CDH4: variants seen among roughly 807,000 people sequenced by gnomAD.
CDH4 encodes cadherin 4, also known as cadherin-4.
In CDH4, 33 loss-of-function variants were observed where a neutral mutation model predicts 86.0. That is an observed-to-expected ratio of 0.38 (90% CI 0.29 to 0.51). CDH4 has a LOEUF of 0.51. Among genes scored for constraint, CDH4 ranks in the 20% least tolerant of loss-of-function variants. The pLI is 0.86. For missense variants in CDH4, 1,114 were observed against 1,307.4 expected (o/e 0.85, Z 2.28); for synonymous variants, 555 against 549.4 (o/e 1.01, Z -0.14).
intron 2 of CDH4, among the ~76,000 whole-genome samples, chr20:61,289,425 T>C (rs2084310294): frequency 6.6e-6 from 1 of 152,174 alleles, no homozygotes; most frequent in Non-Finnish European, 1.5e-5. Flanking sequence ...TTTCTGAAAC[T>C]CTCTGCCTGC....
At chr20:61,905,972 C>T (rs560193925) in intron 8 of CDH4, among the ~76,000 whole-genome samples, 19 of 152,306 alleles carry the variant, frequency 1.2e-4, no homozygotes, top group African/African-American at 3.6e-4. Flanking sequence ...CACCATGACG[C>T]TCCCCTGGAC....
intron 2 of CDH4, among the ~76,000 whole-genome samples, chr20:61,519,151 C>T (rs2085849410): frequency 6.6e-6 from 1 of 152,188 alleles, no homozygotes; most frequent in Non-Finnish European, 1.5e-5. Flanking sequence ...TTTCTGGACC[C>T]TTGGCATCCC....
At chr20:61,334,955 G>T (rs1314922823) in intron 2 of CDH4, among the ~76,000 whole-genome samples, 2 of 152,178 alleles carry the variant, frequency 1.3e-5, no homozygotes. Flanking sequence ...TGAGCCCCAG[G>T]CTCCAGCCTG....
At chr20:61,526,711 A>G (rs1477890783) in intron 2 of CDH4, among the ~76,000 whole-genome samples, 1 of 137,156 alleles carries the variant, frequency 7.3e-6, no homozygotes, top group Non-Finnish European at 1.5e-5. Context: ...TGATTTCATG[A>G]TTGTTGGATA....
chr20:61,696,426 T>C (rs2087715434), intron 2 of CDH4, among the ~76,000 whole-genome samples: 1 of 152,138 alleles, frequency 6.6e-6, no homozygotes, highest in Non-Finnish European at 1.5e-5. Flanking sequence ...GGGGCGGGAA[T>C]GGATGTGAAA....
In CDH4 at chr20:61,643,206, G is replaced by C. The variant is rs755314621; in HGVS notation, c.170-100357G>C. ...ACATGAGAGAAAGCATCACAGGGAG[G>C]GGGGGTGTAGAGAGAGCCAGACTGG... is the stretch of plus-strand genomic sequence containing the variant. On this transcript the variant is annotated intron_variant, in intron 2 of 15. Transcript: ENST00000614565. Among the ~76,000 whole-genome samples, 6 of 152,194 alleles carry C rather than the reference G, an allele frequency of 3.9e-5. 1 individual carries two copies. Among genetic ancestry groups the C allele is most frequent in the Admixed American group, 1.3e-4 (2 of 15,284 alleles).
At chr20:61,669,183 A>G (rs2087359705) in intron 2 of CDH4, among the ~76,000 whole-genome samples, 1 of 152,228 alleles carries the variant, frequency 6.6e-6, no homozygotes, top group Admixed American at 6.5e-5. Context: ...CATTCAGAGC[A>G]CTATGGGATG....
At chr20:61,778,501 A>G (rs1978365881) in intron 4 of CDH4, among the ~76,000 whole-genome samples, 1 of 152,046 alleles carries the variant, frequency 6.6e-6, no homozygotes, top group African/African-American at 2.4e-5. Flanking sequence ...TAGGTAACCT[A>G]CTTGTAGAGA....
At chr20:61,253,869 C>G (rs1175936978) in intron 1 of CDH4, among the ~76,000 whole-genome samples, 1 of 152,178 alleles carries the variant, frequency 6.6e-6, no homozygotes, top group African/African-American at 2.4e-5. Context: ...GGCGCCACTG[C>G]CCGGTGCGGG....
chr20:61,837,783 T>C (rs1159935244), intron 4 of CDH4, among the ~76,000 whole-genome samples: 1 of 151,926 alleles, frequency 6.6e-6, no homozygotes, highest in African/African-American at 2.4e-5. Flanking sequence ...GGTCTGTCCC[T>C]CCACAATCCG....
chr20:61,457,118 A>C (rs1017187110), intron 2 of CDH4, among the ~76,000 whole-genome samples: 5 of 152,058 alleles, frequency 3.3e-5, no homozygotes, highest in African/African-American at 7.2e-5. Context: ...AGGACAAAGG[A>C]CCTCCGTGAG....
chr20:61,546,061 ATGTGTGGAGGGGGTTTG>A (rs2086080560), intron 2 of CDH4, among the ~76,000 whole-genome samples: 1 of 632 alleles, frequency 1.6e-3, no homozygotes, highest in African/African-American at 7.2e-3. Context: ...CTGTCTGTGC[ATGTGTGGAGGGGGTTTG>A]TTCACACGTG....
At chr20:61,845,665 T>C (rs996483466) in intron 5 of CDH4, among the ~76,000 whole-genome samples, 2 of 152,056 alleles carry the variant, frequency 1.3e-5, no homozygotes, top group Non-Finnish European at 2.9e-5. Flanking sequence ...CCTCAGTCCC[T>C]GCTCCTCCTC....
At chr20:61,379,197 T>C (rs1192415217) in intron 2 of CDH4, among the ~76,000 whole-genome samples, 1 of 152,028 alleles carries the variant, frequency 6.6e-6, no homozygotes, top group Non-Finnish European at 1.5e-5. Context: ...GAAAACATAA[T>C]CCATTCCAAG....
At chr20:61,395,625 C>A (rs1453714357) in intron 2 of CDH4, among the ~76,000 whole-genome samples, 1 of 152,008 alleles carries the variant, frequency 6.6e-6, no homozygotes, top group South Asian at 2.1e-4. Context: ...ACAAAAATCA[C>A]AAGCATTAGT....
At chr20:61,774,947 C>CCAT (rs1330223378) in intron 4 of CDH4, among the ~76,000 whole-genome samples, 10 of 152,308 alleles carry the variant, frequency 6.6e-5, no homozygotes, top group Non-Finnish European at 1.2e-4. Context: ...TGGGTTGATT[C>CCAT]CATGTCTTTG....
intron 2 of CDH4, among the ~76,000 whole-genome samples, chr20:61,707,161 C>T (rs902219936): frequency 3.3e-5 from 5 of 152,220 alleles, no homozygotes; most frequent in African/African-American, 4.8e-5. Context: ...GAGCGCATGG[C>T]GGGGATGCCA....
At chr20:61,570,822 G>A in intron 2 of CDH4, 1 of 701,174 alleles carries the variant, frequency 1.4e-6, no homozygotes, top group East Asian at 2.7e-5. Context: ...CCAGGGGGTT[G>A]CTGCTGTTTT....
In CDH4 at chr20:61,792,817, A is replaced by AT. The variant is rs886730637; in HGVS notation, c.576+19642dup. On this transcript the variant is annotated intron_variant, in intron 4 of 15. Coordinates refer to ENST00000614565, the MANE Select transcript of CDH4 (RefSeq NM_001794.5). ...AGGTGTGCATCACCACACCCGGCTA[A>AT]TTTTTTTATTTTTGGTAGAGACGAG... Among the ~76,000 whole-genome samples, 178 of 151,970 alleles carry AT rather than the reference A, an allele frequency of 1.2e-3. 1 individual carries two copies. Among genetic ancestry groups the AT allele is most frequent in the Non-Finnish European group, 2.4e-4 (16 of 67,988 alleles).
Sources: gnomAD v4.1 joint callset for allele counts (sites outside exome capture counted in the v4.1 genomes callset) on GRCh38, gnomAD v4.1.1 for gene constraint, MANE v1.5 for transcripts, NCBI Gene and HGNC (gene_info 2026-07-23, HGNC 2026-07-21) for gene names.